Variants in CORO2B observed in about 807,000 individuals in gnomAD.
The protein encoded by CORO2B is coronin-2B.
A neutral mutation model predicts 58.8 loss-of-function variants in CORO2B; 26 were observed. The observed-to-expected ratio is 0.44, with a 90% CI of 0.32 to 0.61. The LOEUF is 0.61. Ranked by LOEUF, CORO2B falls within the 20% of genes least tolerant of loss-of-function variation. CORO2B has a pLI of 0.04. For missense variants in CORO2B, 460 were observed against 645.1 expected (o/e 0.71, Z 3.11); for synonymous variants, 242 against 253.8 (o/e 0.95, Z 0.44).
intron 3 of CORO2B, among the ~76,000 whole-genome samples, chr15:68,703,835 A>G (rs1475921332): frequency 6.6e-6 from 1 of 152,154 alleles, no homozygotes; most frequent in African/African-American, 2.4e-5. Context: ...GCTGCATTCC[A>G]TAAAATGGAA....
At chr15:68,670,341 A>G (rs1902348779) in intron 2 of CORO2B, among the ~76,000 whole-genome samples, 2 of 151,998 alleles carry the variant, frequency 1.3e-5, no homozygotes, top group South Asian at 4.1e-4. Flanking sequence ...AGCCTGGTTA[A>G]TTTTTTAATT....
chr15:68,592,080 G>C (rs553062639), intron 1 of CORO2B, among the ~76,000 whole-genome samples: 81 of 152,152 alleles, frequency 5.3e-4, no homozygotes, highest in African/African-American at 2.0e-3. Flanking sequence ...TCCCTTCCCC[G>C]GTGTCCCCAG....
chr15:68,695,280 G>A (rs757705679), intron 3 of CORO2B, 24 bp downstream of exon 3: 2 of 1,584,328 alleles, frequency 1.3e-6, no homozygotes, highest in Non-Finnish European at 8.7e-7. Flanking sequence ...TGCTCCCGGA[G>A]GAGGGTGGGC....
rs1037828028 is a variant in CORO2B, at chr15:68,710,451, C to A, written c.334-281C>A. On this transcript the variant is annotated intron_variant, in intron 3 of 11. Transcript: ENST00000261861. The surrounding 1 kb of genome is among the most constrained non-coding windows in gnomAD (Gnocchi z 4.1). ...CTCATGCATGTTCTTCTTATCCGGGCTAGGCCACAGCAGTAGCAACATGCC... is the reference window on the plus strand; with the variant it reads ...CTCATGCATGTTCTTCTTATCCGGGATAGGCCACAGCAGTAGCAACATGCC... 5.9e-5 allele frequency among the ~76,000 whole-genome samples: 9 copies of A among 152,344 alleles called. No individual in the cohort carries two copies. Among genetic ancestry groups the A allele is most frequent in the East Asian group, 1.9e-4 (1 of 5,196 alleles).
chr15:68,632,170 C>T, intron 1 of CORO2B: 1 of 985,570 alleles, frequency 1.0e-6, no homozygotes, highest in Non-Finnish European at 1.2e-6. Flanking sequence ...CCTCCTGCAC[C>T]CGTGGCCCCC....
chr15:68,559,038 TC>T, the CORO2B span, among the ~76,000 whole-genome samples: 1 of 152,072 alleles, frequency 6.6e-6, no homozygotes, highest in African/African-American at 2.4e-5. The surrounding 1 kb of genome is among the most constrained non-coding windows in gnomAD (Gnocchi z 4.3). Context: ...TGTTCGGAGA[TC>T]CTACCACGCG....
intron 3 of CORO2B, among the ~76,000 whole-genome samples, chr15:68,698,264 C>T (rs755441295): frequency 1.1e-4 from 17 of 152,172 alleles, no homozygotes; most frequent in Admixed American, 2.6e-4. Flanking sequence ...CATGTCTTAC[C>T]CAGGGACCCA....
rs186383237 is a variant in CORO2B at position 68,628,740 on chromosome 15, T to A, written c.16-16420T>A. Among the ~76,000 whole-genome samples the A allele has an allele frequency of 5.3e-5, 8 of 152,218 alleles. No homozygotes were observed. In the East Asian group the frequency reaches 1.5e-3, roughly 29 times the overall value. ...GATCCACTTGCTCATGACAGAGCAA[T>A]AGAGAAAGGCCTTTTCCCAGGGCTT... On this transcript the variant is annotated intron_variant, in intron 1 of 11. Coordinates refer to ENST00000261861, the MANE Select transcript of CORO2B (RefSeq NM_006091.5).
chr15:68,559,595 CG>C, the CORO2B span: 1 of 985,216 alleles, frequency 1.0e-6, no homozygotes, highest in African/African-American at 1.7e-5. This position sits in a 1 kb window ranked among gnomAD's most constrained non-coding sequence, Gnocchi z 4.3. Flanking sequence ...GGGGAGCAGA[CG>C]GAACAAGCGT....
chr15:68,541,495 C>A, the CORO2B span, among the ~76,000 whole-genome samples: 1 of 152,058 alleles, frequency 6.6e-6, no homozygotes, highest in Non-Finnish European at 1.5e-5. Flanking sequence ...GATCATCATA[C>A]AACACAAGGT....
the CORO2B span, among the ~76,000 whole-genome samples, chr15:68,548,722 ATACTCAATACT>A: frequency 6.6e-6 from 1 of 152,226 alleles, no homozygotes; most frequent in Non-Finnish European, 1.5e-5. Context: ...ATCTTTCCTG[ATACTCAATACT>A]TTCAGACTTT....
At chr15:68,597,357 A>C (rs892323972) in intron 1 of CORO2B, among the ~76,000 whole-genome samples, 10 of 152,216 alleles carry the variant, frequency 6.6e-5, no homozygotes, top group Non-Finnish European at 1.5e-4. Flanking sequence ...TTCCAGGGGC[A>C]GTCCTAATTG....
At chr15:68,655,760 A>T (rs1901782663) in intron 2 of CORO2B, among the ~76,000 whole-genome samples, 1 of 152,208 alleles carries the variant, frequency 6.6e-6, no homozygotes, top group Non-Finnish European at 1.5e-5. Flanking sequence ...TCTGCAGGAG[A>T]TCTGTCCACA....
At chr15:68,588,679 C>T (rs1899627372) in intron 1 of CORO2B, among the ~76,000 whole-genome samples, 1 of 152,206 alleles carries the variant, frequency 6.6e-6, no homozygotes, top group Non-Finnish European at 1.5e-5. Context: ...ATAGCCTCTA[C>T]TAGCTTGAGG....
At chr15:68,552,477 T>TTGGG in the CORO2B span, among the ~76,000 whole-genome samples, 89 of 124,946 alleles carry the variant, frequency 7.1e-4, no homozygotes, top group Admixed American at 9.1e-4. Context: ...CGCGGGGGGG[T>TTGGG]GGGGGGGGCA....
the CORO2B span, among the ~76,000 whole-genome samples, chr15:68,559,046 C>T: frequency 1.3e-5 from 2 of 152,116 alleles, no homozygotes; most frequent in African/African-American, 4.8e-5. The surrounding 1 kb of genome is among the most constrained non-coding windows in gnomAD (Gnocchi z 4.3). Flanking sequence ...GATCCTACCA[C>T]GCGCTAGGCG....
At chr15:68,547,727 A>G in the CORO2B span, among the ~76,000 whole-genome samples, 3 of 152,352 alleles carry the variant, frequency 2.0e-5, no homozygotes, top group Admixed American at 1.3e-4. Flanking sequence ...AAAGACAATT[A>G]GCATGACAAA....
intron 1 of CORO2B, among the ~76,000 whole-genome samples, chr15:68,619,158 C>G (rs1900446370): frequency 6.6e-6 from 1 of 152,134 alleles, no homozygotes; most frequent in East Asian, 1.9e-4. Flanking sequence ...ATCATGTTTT[C>G]CTTTTTACTT....
chr15:68,711,788 G>T, intron 5 of CORO2B, 82 bp downstream of exon 5: 1 of 1,532,064 alleles, frequency 6.5e-7, no homozygotes, highest in Non-Finnish European at 8.9e-7. Context: ...GAAGAAAAAG[G>T]CTGTGCCAGC....
Sources: allele counts gnomAD v4.1 joint callset (sites outside exome capture counted in the v4.1 genomes callset), GRCh38; gene constraint gnomAD v4.1.1; non-coding constraint Gnocchi (gnomAD v3.1); transcripts MANE v1.5; gene names NCBI Gene and HGNC (gene_info 2026-07-23, HGNC 2026-07-21).